The following ASB18 variants were observed in gnomAD, a reference collection of about 807,000 sequenced individuals.
ASB18 encodes the protein ankyrin repeat and SOCS box containing 18.
Under a neutral mutation model 33.4 loss-of-function variants are expected in ASB18, and 33 were observed. That is an observed-to-expected ratio of 0.99 (90% CI 0.75 to 1.32). The LOEUF (loss-of-function observed/expected upper bound fraction) is 1.32, where lower values mean the gene tolerates loss of function less well. Among genes scored for constraint, ASB18 ranks in the 40% most tolerant of loss-of-function variants. The pLI, the probability that ASB18 is intolerant of heterozygous loss-of-function variation, is 0.00. For missense variants in ASB18, 694 were observed against 655.5 expected (o/e 1.06, Z -0.64); for synonymous variants, 295 against 307.6 (o/e 0.96, Z 0.43).
rs1243166200 is a variant in ASB18, at chr2:236,260,186, T to C, written c.205+3955A>G. On this transcript the variant is annotated intron_variant, in intron 1 of 5. Coordinates refer to ENST00000409749, the MANE Select transcript of ASB18 (RefSeq NM_212556.4). This position sits in a 1 kb window ranked among gnomAD's most constrained non-coding sequence, Gnocchi z 5.1. ...GTCATCTTTAGAATAAAACTCAGAG[T>C]TCTGTCTACTGGGCTTGTCCTTGGG... Among the ~76,000 whole-genome samples, 1 of 123,732 alleles carries C rather than the reference T, an allele frequency of 8.1e-6. No homozygotes were observed. The allele number at this position is 123,732 out of a possible 152,430, so 81.2% of individuals were successfully genotyped here.
Position 236,248,390 on chromosome 2 carries a change from T to G in ASB18, c.206-6988A>C, listed in dbSNP as rs2060653658. 1 of 151,952 alleles carries G rather than the reference T, an allele frequency of 6.6e-6. No homozygotes were observed. The highest frequency in any genetic ancestry group is 2.1e-4 in the South Asian group (1 of 4,804). 9.4% of individuals were successfully genotyped at this position (151,952 alleles called of 1,614,324 possible). A position where few individuals can be genotyped will look rare whatever the true frequency, so the allele number is the denominator to read the frequency against. On this transcript the variant is annotated intron_variant, in intron 1 of 5. Transcript: ENST00000409749. The surrounding 1 kb of genome is among the most constrained non-coding windows in gnomAD (Gnocchi z 4.9). The stretch of plus-strand genomic sequence containing the variant: ...GGTGGATCACCCGAGGTCAGGAGTT[T>G]GAGATCAGCCTGGCCAACATAGTGA...
In ASB18 at chr2:236,259,115, T is replaced by C. The variant is rs1479007211; in HGVS notation, c.205+5026A>G. The stretch of plus-strand genomic sequence containing the variant: ...GTGTTCTCTGCAGCTACTAACCAAT[T>C]GGTATTGAAAAGAGGCAAGCACAAA... On this transcript the variant is annotated intron_variant, in intron 1 of 5. Transcript: ENST00000409749. This position sits in a 1 kb window ranked among gnomAD's most constrained non-coding sequence, Gnocchi z 4.4. 6.6e-6 allele frequency among the ~76,000 whole-genome samples: 1 copy of C among 152,182 alleles called. No homozygotes were observed. Among genetic ancestry groups the C allele is most frequent in the African/African-American group, 2.4e-5 (1 of 41,452 alleles).
rs1401288856 is a variant in ASB18, at chr2:236,225,820, A to C, written c.597-10954T>G. 6.6e-6 allele frequency among the ~76,000 whole-genome samples: 1 copy of C among 151,944 alleles called. No individual in the cohort carries two copies. The highest frequency in any genetic ancestry group is 1.5e-5 in the Non-Finnish European group (1 of 67,990). On this transcript the variant is annotated intron_variant, in intron 3 of 5. Transcript: ENST00000409749. The surrounding 1 kb of genome is among the most constrained non-coding windows in gnomAD (Gnocchi z 5.1). ...TAATTTTTTTTTTTTAATCCCAGGA[A>C]CTCAGAGACTCAAAGGTTTTAAAGT...
chr2:236,250,654 A>G lies in ASB18; in HGVS notation c.206-9252T>C, dbSNP rs1441394405. 3 of 152,184 alleles carry G rather than the reference A, an allele frequency of 2.0e-5. No homozygotes were observed. The highest frequency in any genetic ancestry group is 6.5e-5 in the Admixed American group (1 of 15,282). The allele number at this position is 152,184 out of a possible 1,614,324, so 9.4% of individuals were successfully genotyped here. A position where few individuals can be genotyped will look rare whatever the true frequency, so the allele number is the denominator to read the frequency against. On this transcript the variant is annotated intron_variant, in intron 1 of 5. Coordinates refer to ENST00000409749, the MANE Select transcript of ASB18 (RefSeq NM_212556.4). This position sits in a 1 kb window ranked among gnomAD's most constrained non-coding sequence, Gnocchi z 4.1. ...CTGGTGCAGCAGCCCCAGGCCTTCC[A>G]GTGGAGTTACTTTCACACCCTCTTC...
intron 3 of ASB18, among the ~76,000 whole-genome samples, chr2:236,224,793 T>C (rs2060529712): frequency 6.6e-6 from 1 of 152,184 alleles, no homozygotes; most frequent in South Asian, 2.1e-4. Flanking sequence ...AAATATTAAA[T>C]CATCTATTGG....
intron 4 of ASB18, among the ~76,000 whole-genome samples, chr2:236,197,101 G>A (rs536877412): frequency 1.3e-5 from 2 of 151,726 alleles, no homozygotes; most frequent in African/African-American, 4.8e-5. Context: ...GGTTGATCCT[G>A]CCCATCCACT....
At position 236,237,695 on chromosome 2, in the gene ASB18, G is replaced by T. The variant is rs1255235490; in HGVS notation, c.590C>A (p.Ser197Ter). The T allele has an allele frequency of 2.1e-6, 3 of 1,451,442 alleles. No homozygotes were observed. The highest frequency in any genetic ancestry group is 2.7e-6 in the Non-Finnish European group (3 of 1,108,328). The allele number at this position is 1,451,442 out of a possible 1,614,324, so 89.9% of individuals were successfully genotyped here. ...APLHLCRTAA[S>*]LGCAQALLEH... Reference sequence around the variant, plus strand: ...CCTGTCCCGAGGTCCTTACCCGAGCGAGGCGGCCGTGCGGCAGAGGTGCAG... The same window carrying T: ...CCTGTCCCGAGGTCCTTACCCGAGCTAGGCGGCCGTGCGGCAGAGGTGCAG... Residue 197 changes from serine to a stop codon, truncating the protein, a stop_gained, in exon 3 of 6, where the codon TCG (serine) becomes TAG (stop). Transcript: ENST00000409749. LOFTEE classifies it high-confidence loss of function. The surrounding 1 kb of genome is among the most constrained non-coding windows in gnomAD (Gnocchi z 6.2).
chr2:236,212,321 T>C (rs938096465), intron 4 of ASB18, among the ~76,000 whole-genome samples: 9 of 152,156 alleles, frequency 5.9e-5, no homozygotes, highest in African/African-American at 2.2e-4. Context: ...TTGTCCTGCA[T>C]CTCTAGTCAA....
Position 236,203,877 on chromosome 2 carries a change from C to T in ASB18, c.1102-7492G>A, listed in dbSNP as rs72974797. Reference sequence around the variant, plus strand: ...GTGACACCCCCTCTCAAAAACCAAACCAAACCAAACCAACCAACCAACCAA... The same window carrying T: ...GTGACACCCCCTCTCAAAAACCAAATCAAACCAAACCAACCAACCAACCAA... On this transcript the variant is annotated intron_variant, in intron 4 of 5. Coordinates refer to ENST00000409749, the MANE Select transcript of ASB18 (RefSeq NM_212556.4). The surrounding 1 kb of genome is among the most constrained non-coding windows in gnomAD (Gnocchi z 6.0). Among the ~76,000 whole-genome samples, 1,155 of 133,788 alleles carry T rather than the reference C, an allele frequency of 8.6e-3. 7 individuals carry two copies. The highest frequency in any genetic ancestry group is 0.014 in the Non-Finnish European group (849 of 60,342). The allele number at this position is 133,788 out of a possible 152,430, so 87.8% of individuals were successfully genotyped here.
At position 236,229,962 on chromosome 2, in the gene ASB18, A is replaced by G. The variant is rs1440943263; in HGVS notation, c.596+7727T>C. 6.6e-6 allele frequency among the ~76,000 whole-genome samples: 1 copy of G among 152,184 alleles called. No individual in the cohort carries two copies. Among genetic ancestry groups the G allele is most frequent in the Non-Finnish European group, 1.5e-5 (1 of 68,030 alleles). On this transcript the variant is annotated intron_variant, in intron 3 of 5. Transcript: ENST00000409749. This position sits in a 1 kb window ranked among gnomAD's most constrained non-coding sequence, Gnocchi z 5.2. ...AAGGATATTTATTAGCTATAAAAGAACAAAGATAAAACTAGGAGTTTGAGA... is the reference window on the plus strand; with the variant it reads ...AAGGATATTTATTAGCTATAAAAGAGCAAAGATAAAACTAGGAGTTTGAGA...
chr2:236,248,594 A>G lies in ASB18; in HGVS notation c.206-7192T>C, dbSNP rs1282356088. 1.5e-5 allele frequency: 2 copies of G among 133,486 alleles called. No homozygotes were observed. Among genetic ancestry groups the G allele is most frequent in the Non-Finnish European group, 3.4e-5 (2 of 58,464 alleles). The allele number at this position is 133,486 out of a possible 1,614,324, so 8.3% of individuals were successfully genotyped here. A position where few individuals can be genotyped will look rare whatever the true frequency, so the allele number is the denominator to read the frequency against. On this transcript the variant is annotated intron_variant, in intron 1 of 5. Coordinates refer to ENST00000409749, the MANE Select transcript of ASB18 (RefSeq NM_212556.4). The surrounding 1 kb of genome is among the most constrained non-coding windows in gnomAD (Gnocchi z 4.9). ...GGCAACAGAGCAAGACTCCGTCTCAAAAAAAAAAAAAAGAAAGAAAAAAGA... is the reference window on the plus strand; with the variant it reads ...GGCAACAGAGCAAGACTCCGTCTCAGAAAAAAAAAAAAGAAAGAAAAAAGA...
chr2:236,227,464 C>A (rs888004809), intron 3 of ASB18, among the ~76,000 whole-genome samples: 1 of 152,176 alleles, frequency 6.6e-6, no homozygotes, highest in Non-Finnish European at 1.5e-5. Context: ...TCATTTAATT[C>A]TCATAACCAT....
chr2:236,240,353 G>A, intron 2 of ASB18, among the ~76,000 whole-genome samples: 1 of 152,344 alleles, frequency 6.6e-6, no homozygotes, highest in East Asian at 1.9e-4. Flanking sequence ...CCCGTGTGAG[G>A]TATAAACAGA....
chr2:236,242,857 CAA>C (rs58767505), intron 1 of ASB18, among the ~76,000 whole-genome samples: 4 of 128,220 alleles, frequency 3.1e-5, no homozygotes, highest in Admixed American at 7.9e-5. Flanking sequence ...CCCATCTCTA[CAA>C]AAAAAAAAAA....
rs2060368816 is a variant in ASB18, at chr2:236,195,758, T to C, written c.1215+514A>G. Among the ~76,000 whole-genome samples, 1 of 152,180 alleles carries C rather than the reference T, an allele frequency of 6.6e-6. No individual in the cohort carries two copies. The highest frequency in any genetic ancestry group is 1.5e-5 in the Non-Finnish European group (1 of 68,026). ...CTTGAACTCCTGACCTCAAGCGATCTGCCTGCCTTGGCCTCTCAAAGTGCT... is the reference window on the plus strand; with the variant it reads ...CTTGAACTCCTGACCTCAAGCGATCCGCCTGCCTTGGCCTCTCAAAGTGCT... On this transcript the variant is annotated intron_variant, in intron 5 of 5. Coordinates refer to ENST00000409749, the MANE Select transcript of ASB18 (RefSeq NM_212556.4). This position sits in a 1 kb window ranked among gnomAD's most constrained non-coding sequence, Gnocchi z 5.5.
In ASB18 at chr2:236,263,123, C is replaced by T. The variant is rs753478140; in HGVS notation, c.205+1018G>A. 6.6e-5 allele frequency among the ~76,000 whole-genome samples: 10 copies of T among 152,220 alleles called. No homozygotes were observed. The highest frequency in any genetic ancestry group is 8.8e-5 in the Non-Finnish European group (6 of 68,048). On this transcript the variant is annotated intron_variant, in intron 1 of 5. Transcript: ENST00000409749. The surrounding 1 kb of genome is among the most constrained non-coding windows in gnomAD (Gnocchi z 4.0). ...CCTTAGAGGCCAAGACTAACCTTGT[C>T]CCCTAATCTGACAAGCTGGGAAACA...
At chr2:236,230,971 C>T (rs1258026516) in intron 3 of ASB18, among the ~76,000 whole-genome samples, 1 of 151,870 alleles carries the variant, frequency 6.6e-6, no homozygotes, top group African/African-American at 2.4e-5. Flanking sequence ...CTACAAGAAG[C>T]CCACTTAAAA....
chr2:236,200,738 G>A lies in ASB18; in HGVS notation c.1102-4353C>T, dbSNP rs528782182. Among the ~76,000 whole-genome samples the A allele has an allele frequency of 1.3e-3, 191 of 152,314 alleles. 3 individuals carry two copies. The highest frequency in any genetic ancestry group is 3.9e-4 in the East Asian group (2 of 5,176). On this transcript the variant is annotated intron_variant, in intron 4 of 5. Coordinates refer to ENST00000409749, the MANE Select transcript of ASB18 (RefSeq NM_212556.4). This position sits in a 1 kb window ranked among gnomAD's most constrained non-coding sequence, Gnocchi z 4.2. Reference sequence around the variant, plus strand: ...GGAAGGAAGAGATCTTCACTCTATCGATGAATAAGCACCCTTTTCTCATTT... The same window carrying A: ...GGAAGGAAGAGATCTTCACTCTATCAATGAATAAGCACCCTTTTCTCATTT...
At chr2:236,227,767 C>T (rs1444582088) in intron 3 of ASB18, among the ~76,000 whole-genome samples, 2 of 144,814 alleles carry the variant, frequency 1.4e-5, no homozygotes, top group Non-Finnish European at 2.9e-5. Flanking sequence ...GCTGATGCTT[C>T]TTTCTGTCTT....
Sources: allele counts gnomAD v4.1 joint callset (sites outside exome capture counted in the v4.1 genomes callset), GRCh38; gene constraint gnomAD v4.1.1; non-coding constraint Gnocchi (gnomAD v3.1); transcripts MANE v1.5; gene names NCBI Gene and HGNC (gene_info 2026-07-23, HGNC 2026-07-21).